TYW1: variants seen among roughly 807,000 people sequenced by gnomAD.
TYW1 encodes the protein tRNA-yW synthesizing protein 1 homolog.
TYW1 carries 46 observed loss-of-function variants against 96.2 expected under a neutral mutation model. The observed-to-expected ratio is 0.48, with a 90% CI of 0.38 to 0.61. The LOEUF is 0.61. Among genes scored for constraint, TYW1 ranks in the 20% least tolerant of loss-of-function variants. The pLI is 0.00. For missense variants in TYW1, 684 were observed against 909.6 expected (o/e 0.75, Z 3.19); for synonymous variants, 274 against 323.0 (o/e 0.85, Z 1.63).
At chr7:67,076,395 G>A (rs542879981) in intron 10 of TYW1, among the ~76,000 whole-genome samples, 2 of 152,266 alleles carry the variant, frequency 1.3e-5, no homozygotes, top group East Asian at 3.9e-4. Flanking sequence ...TGGGGAACAA[G>A]CATTTCTAAC....
chr7:67,150,608 G>A (rs545735280), intron 13 of TYW1, among the ~76,000 whole-genome samples: 1 of 152,318 alleles, frequency 6.6e-6, no homozygotes, highest in East Asian at 1.9e-4. Context: ...ATGTTGAATA[G>A]AGAATATTAG....
chr7:67,099,536 A>T (rs1797023870), intron 12 of TYW1, among the ~76,000 whole-genome samples: 1 of 152,174 alleles, frequency 6.6e-6, no homozygotes, highest in Non-Finnish European at 1.5e-5. Flanking sequence ...ATGGTCTAGG[A>T]CTTCAAATGC....
intron 15 of TYW1, among the ~76,000 whole-genome samples, chr7:67,233,554 T>C (rs1387569880): frequency 7.4e-6 from 1 of 134,936 alleles, no homozygotes. Flanking sequence ...TTTGAGTTTA[T>C]TTGTAATTCT....
At chr7:67,077,387 C>T (rs190034334) in intron 10 of TYW1, among the ~76,000 whole-genome samples, 2 of 152,300 alleles carry the variant, frequency 1.3e-5, no homozygotes, top group East Asian at 1.9e-4. Flanking sequence ...TTCCCTTTCT[C>T]CACATCCTTG....
At position 67,072,964 on chromosome 7, in the gene TYW1, T is replaced by A. The variant is rs1278161460; in HGVS notation, c.1274+5561T>A. ...TTTTTTTTTTTTTTTTTTTTTTTTT[T>A]ATAGAGACAGGGTCTTGCTATGTTT... On this transcript the variant is annotated intron_variant, in intron 10 of 15. Transcript: ENST00000359626. 8.6e-4 allele frequency among the ~76,000 whole-genome samples: 80 copies of A among 93,538 alleles called. 1 individual carries two copies. The highest frequency in any genetic ancestry group is 4.1e-3 in the Admixed American group (37 of 8,992). The allele number at this position is 93,538 out of a possible 152,430, so 61.4% of individuals were successfully genotyped here.
chr7:67,079,241 AT>A (rs1796308353), intron 10 of TYW1, among the ~76,000 whole-genome samples: 1 of 151,946 alleles, frequency 6.6e-6, no homozygotes, highest in East Asian at 1.9e-4. Flanking sequence ...CCATCTGGCC[AT>A]GTACTTTTTT....
At chr7:67,050,348 G>A (rs1017127889) in intron 8 of TYW1, among the ~76,000 whole-genome samples, 2 of 152,156 alleles carry the variant, frequency 1.3e-5, no homozygotes, top group Non-Finnish European at 2.9e-5. Context: ...GCATAGAAAA[G>A]CTTATATGAT....
Position 67,076,624 on chromosome 7 carries a change from C to T in TYW1, c.1275-6806C>T, listed in dbSNP as rs374581083. On this transcript the variant is annotated intron_variant, in intron 10 of 15. Transcript: ENST00000359626. ...CCAAGTAGCTGGGATTACAGGCACA[C>T]GCCACCAAGCCTGGATAATTTTTGT... 7.4e-4 allele frequency among the ~76,000 whole-genome samples: 112 copies of T among 151,272 alleles called. No individual in the cohort carries two copies. The East Asian group carries it at 8.3e-3, about 11-fold the overall frequency.
At chr7:67,171,171 T>G (rs1209872996) in intron 13 of TYW1, among the ~76,000 whole-genome samples, 1 of 152,072 alleles carries the variant, frequency 6.6e-6, no homozygotes, top group African/African-American at 2.4e-5. Context: ...GTTATCCACT[T>G]TTTTTGGTAT....
intron 14 of TYW1, among the ~76,000 whole-genome samples, chr7:67,193,152 C>T (rs567957114): frequency 7.2e-5 from 11 of 152,200 alleles, no homozygotes; most frequent in East Asian, 3.9e-4. Context: ...TTTTCTTATA[C>T]GGCCATCCTG....
chr7:67,119,421 G>T (rs930625784), intron 13 of TYW1, among the ~76,000 whole-genome samples: 15 of 152,038 alleles, frequency 9.9e-5, no homozygotes, highest in African/African-American at 2.7e-4. Flanking sequence ...ATTTTTCACC[G>T]TATTCCCCAG....
chr7:67,202,855 A>G (rs7782654), intron 15 of TYW1, among the ~76,000 whole-genome samples: 3,435 of 152,344 alleles, frequency 0.023, 119 homozygotes, highest in African/African-American at 0.078. Context: ...GATTCACAGG[A>G]AGCTGCAAAA....
chr7:67,186,411 A>T (rs1474995917), intron 14 of TYW1, among the ~76,000 whole-genome samples: 1 of 152,036 alleles, frequency 6.6e-6, no homozygotes, highest in Non-Finnish European at 1.5e-5. Context: ...TACTTCTCTG[A>T]TGGGTATTAT....
intron 10 of TYW1, among the ~76,000 whole-genome samples, chr7:67,078,915 C>T (rs561601869): frequency 3.1e-4 from 47 of 152,034 alleles, no homozygotes; most frequent in African/African-American, 1.0e-3. Flanking sequence ...AGGATGGTCT[C>T]GATCTCCTGA....
At chr7:67,198,810 T>C (rs1800492342) in intron 15 of TYW1, among the ~76,000 whole-genome samples, 1 of 152,176 alleles carries the variant, frequency 6.6e-6, no homozygotes, top group African/African-American at 2.4e-5. Flanking sequence ...TGTAGTCACC[T>C]TCAATTTGGA....
intron 15 of TYW1, among the ~76,000 whole-genome samples, chr7:67,237,499 CAAAA>C (rs386410332): frequency 1.2e-3 from 118 of 98,776 alleles, no homozygotes; most frequent in Admixed American, 5.9e-3. Flanking sequence ...GACTCTGTCT[CAAAA>C]AAAAAAAAAA....
intron 11 of TYW1, 27 bp downstream of exon 11, chr7:67,083,566 T>C (rs1367910247): frequency 2.5e-6 from 4 of 1,611,050 alleles, no homozygotes; most frequent in African/African-American, 2.7e-5. Context: ...TACAAAGGAA[T>C]GCTAATACCT....
chr7:67,134,971 A>T (rs1798198778), intron 13 of TYW1, among the ~76,000 whole-genome samples: 1 of 136,684 alleles, frequency 7.3e-6, no homozygotes, highest in Admixed American at 7.3e-5. Flanking sequence ...AAAAAAAAAA[A>T]TCAACCAGGT....
intron 13 of TYW1, among the ~76,000 whole-genome samples, chr7:67,139,295 A>G (rs1798367209): frequency 6.6e-6 from 1 of 152,224 alleles, no homozygotes; most frequent in Non-Finnish European, 1.5e-5. Context: ...CAAGTGATCC[A>G]GTCACCTTGG....
Sources: gnomAD v4.1 joint callset for allele counts (sites outside exome capture counted in the v4.1 genomes callset) on GRCh38, gnomAD v4.1.1 for gene constraint, MANE v1.5 for transcripts, NCBI Gene and HGNC (gene_info 2026-07-23, HGNC 2026-07-21) for gene names.